The following CA10 variants were observed in gnomAD, a reference collection of about 807,000 sequenced individuals.
The protein encoded by CA10 is carbonic anhydrase 10 (inactive).
CA10 carries 14 observed loss-of-function variants against 44.2 expected under a neutral mutation model. The observed-to-expected ratio is 0.32, with a 90% CI of 0.21 to 0.50. CA10 has a LOEUF of 0.50. Ranked by LOEUF, CA10 falls within the 20% of genes least tolerant of loss-of-function variation. The probability of loss-of-function intolerance (pLI) is 0.99; values close to 1 mark genes in which losing one functional copy is unlikely to be tolerated. For synonymous variants in CA10, 159 were observed against 141.6 expected, an observed-to-expected ratio of 1.12 and a Z score of -0.87; for missense variants, 350 against 409.7, an observed-to-expected ratio of 0.85 and a Z score of 1.26.
chr17:51,769,740 C>T (rs1256363938), intron 3 of CA10, among the ~76,000 whole-genome samples: 5 of 152,138 alleles, frequency 3.3e-5, no homozygotes, highest in South Asian at 2.1e-4. Context: ...CCTGGGCACT[C>T]ACCAGTGCAT....
intron 3 of CA10, among the ~76,000 whole-genome samples, chr17:51,857,439 G>A (rs1212355436): frequency 6.6e-6 from 1 of 152,080 alleles, no homozygotes; most frequent in East Asian, 1.9e-4. Context: ...TATTTTAACA[G>A]GAAAAGCCAG....
At chr17:52,009,077 A>T (rs140328216) in intron 2 of CA10, among the ~76,000 whole-genome samples, 217 of 152,116 alleles carry the variant, frequency 1.4e-3, no homozygotes, top group Middle Eastern at 3.4e-3. Flanking sequence ...ATAGATATGA[A>T]CATAGCCCTT....
intron 3 of CA10, among the ~76,000 whole-genome samples, chr17:51,831,138 C>T (rs116338129): frequency 6.6e-6 from 1 of 152,126 alleles, no homozygotes. Flanking sequence ...CATTCCAGCA[C>T]GTGCAGAACT....
At chr17:51,812,831 G>A (rs1386854226) in intron 3 of CA10, among the ~76,000 whole-genome samples, 3 of 152,138 alleles carry the variant, frequency 2.0e-5, no homozygotes, top group African/African-American at 7.2e-5. Flanking sequence ...AATAGCTCAG[G>A]GGAGGATTGC....
chr17:51,831,678 G>GCAGCAGCAGCAGCAGCAGCAGCAT (rs1567854489), intron 3 of CA10, among the ~76,000 whole-genome samples: 13 of 49,034 alleles, frequency 2.7e-4, no homozygotes, highest in Middle Eastern at 7.8e-3. Context: ...AGCAGCAGCA[G>GCAGCAGCAGCAGCAGCAGCAGCAT]CAGCAGCAGC....
chr17:52,028,658 C>A (rs1019139298), intron 2 of CA10, among the ~76,000 whole-genome samples: 1 of 152,112 alleles, frequency 6.6e-6, no homozygotes, highest in African/African-American at 2.4e-5. Flanking sequence ...AAAATAATAC[C>A]TGGGTGTGGA....
chr17:52,000,058 G>GT (rs1567914776), intron 2 of CA10, among the ~76,000 whole-genome samples: 1 of 152,130 alleles, frequency 6.6e-6, no homozygotes, highest in African/African-American at 2.4e-5. Context: ...TGTGCTAAGG[G>GT]TTTTTTCTTT....
chr17:52,050,419 A>C (rs1229768224), intron 2 of CA10, among the ~76,000 whole-genome samples: 3 of 151,992 alleles, frequency 2.0e-5, no homozygotes, highest in Non-Finnish European at 4.4e-5. Flanking sequence ...CTCTAATTCC[A>C]TGCTTGCCCT....
At chr17:52,042,364 T>C (rs1042840918) in intron 2 of CA10, among the ~76,000 whole-genome samples, 1 of 152,124 alleles carries the variant, frequency 6.6e-6, no homozygotes, top group African/African-American at 2.4e-5. Flanking sequence ...TGCCTTTTCA[T>C]GTACCTGCTG....
chr17:52,013,353 A>G (rs1489074951), intron 2 of CA10, among the ~76,000 whole-genome samples: 1 of 151,994 alleles, frequency 6.6e-6, no homozygotes, highest in Non-Finnish European at 1.5e-5. Context: ...AATCACAATC[A>G]TAATGAAAGA....
chr17:52,075,148 A>G (rs944956753), intron 1 of CA10, among the ~76,000 whole-genome samples: 1 of 152,230 alleles, frequency 6.6e-6, no homozygotes, highest in African/African-American at 2.4e-5. Flanking sequence ...AACAATCAAT[A>G]TAATCAATAT....
chr17:51,815,354 A>G (rs1374844515), intron 3 of CA10, among the ~76,000 whole-genome samples: 1 of 152,184 alleles, frequency 6.6e-6, no homozygotes, highest in East Asian at 1.9e-4. Context: ...GGCAGCTTGG[A>G]TTACTGAAGA....
intron 4 of CA10, among the ~76,000 whole-genome samples, chr17:51,672,422 C>T (rs11651330): frequency 0.45 from 67,852 of 152,072 alleles, 16,504 homozygotes; most frequent in Admixed American, 0.55. Flanking sequence ...GGGTACAACA[C>T]CAAGGCATTG....
chr17:51,921,160 C>CTGGAA (rs1281634910), intron 3 of CA10, among the ~76,000 whole-genome samples: 5 of 152,186 alleles, frequency 3.3e-5, no homozygotes, highest in Admixed American at 3.3e-4. Context: ...CACGTCCCAT[C>CTGGAA]TAACCACTGC....
chr17:51,785,873 T>C (rs1455446398), intron 3 of CA10, among the ~76,000 whole-genome samples: 1 of 152,236 alleles, frequency 6.6e-6, no homozygotes, highest in Non-Finnish European at 1.5e-5. Context: ...GGGATCACAT[T>C]GAATCTGTAG....
chr17:51,892,853 A>C (rs1386161414), intron 3 of CA10, among the ~76,000 whole-genome samples: 1 of 152,194 alleles, frequency 6.6e-6, no homozygotes, highest in Non-Finnish European at 1.5e-5. Context: ...TGAGTACTAG[A>C]GGCTTCATTA....
intron 4 of CA10, among the ~76,000 whole-genome samples, chr17:51,694,432 G>T (rs930174882): frequency 6.8e-6 from 1 of 147,374 alleles, no homozygotes; most frequent in African/African-American, 2.5e-5. Flanking sequence ...TGTTGTTGTT[G>T]TTCACTTGTA....
chr17:51,973,979 A>G (rs1433205463), intron 2 of CA10, among the ~76,000 whole-genome samples: 2 of 152,192 alleles, frequency 1.3e-5, no homozygotes, highest in Non-Finnish European at 2.9e-5. Context: ...TTCTCTTCAA[A>G]AAGATAAAGT....
intron 4 of CA10, among the ~76,000 whole-genome samples, chr17:51,679,662 C>A (rs577517526): frequency 1.3e-5 from 2 of 151,830 alleles, no homozygotes; most frequent in Non-Finnish European, 2.9e-5. Flanking sequence ...TGGGTTGAAG[C>A]GATTCTCCTG....
Sources: gnomAD v4.1 joint callset for allele counts (sites outside exome capture counted in the v4.1 genomes callset) on GRCh38, gnomAD v4.1.1 for gene constraint, MANE v1.5 for transcripts, NCBI Gene and HGNC (gene_info 2026-07-23, HGNC 2026-07-21) for gene names.